TSPAN9: variants seen among roughly 807,000 people sequenced by gnomAD.
The protein encoded by TSPAN9 is tetraspanin-9.
A neutral mutation model predicts 31.0 loss-of-function variants in TSPAN9; 16 were observed. That is an observed-to-expected ratio of 0.52 (90% confidence interval 0.35 to 0.78). The LOEUF is 0.78. Ranked by LOEUF, TSPAN9 falls within the 30% of genes least tolerant of loss-of-function variation. TSPAN9 has a pLI of 0.01. For missense variants in TSPAN9, 272 were observed against 312.5 expected, an observed-to-expected ratio of 0.87 and a Z score of 0.98; for synonymous variants, 145 against 121.6, an observed-to-expected ratio of 1.19 and a Z score of -1.27.
chr12:3,197,712 C>A lies in TSPAN9; in HGVS notation c.-17-3465C>A, dbSNP rs370537184. 1.6e-4 allele frequency among the ~76,000 whole-genome samples: 21 copies of A among 131,230 alleles called. No homozygotes were observed. In the East Asian group the frequency reaches 2.1e-3, roughly 13 times the overall value. 86.1% of individuals were successfully genotyped at this position (131,230 alleles called of 152,430 possible). On this transcript the variant is annotated intron_variant, in intron 2 of 8. Coordinates refer to ENST00000011898, the MANE Select transcript of TSPAN9 (RefSeq NM_006675.5). ...GCACAGGTCACACCAGCACAGGTCA[C>A]CACCAGCACAGGTCACCACCAGCAC... is the stretch of plus-strand genomic sequence containing the variant.
intron 3 of TSPAN9, among the ~76,000 whole-genome samples, chr12:3,235,859 G>A (rs1220930948): frequency 6.6e-6 from 1 of 152,184 alleles, no homozygotes; most frequent in Non-Finnish European, 1.5e-5. Context: ...AGCTCTGGGG[G>A]CTTTGGCCTA....
At chr12:3,220,602 GGAATCC>G (rs2098383957) in intron 3 of TSPAN9, among the ~76,000 whole-genome samples, 1 of 152,250 alleles carries the variant, frequency 6.6e-6, no homozygotes, top group South Asian at 2.1e-4. Context: ...GGTCTGCAGA[GGAATCC>G]GATGTTGATA....
At chr12:3,260,292 G>A (rs1283732643) in intron 3 of TSPAN9, among the ~76,000 whole-genome samples, 1 of 152,264 alleles carries the variant, frequency 6.6e-6, no homozygotes, top group East Asian at 1.9e-4. Flanking sequence ...CCCGGACAAA[G>A]CTCATTAGCA....
chr12:3,131,633 C>T (rs1359134572), intron 2 of TSPAN9, among the ~76,000 whole-genome samples: 1 of 152,118 alleles, frequency 6.6e-6, no homozygotes, highest in Non-Finnish European at 1.5e-5. Flanking sequence ...GCTTGGCTTC[C>T]GGGAGGTTCC....
chr12:3,213,341 G>T (rs2098379733), intron 3 of TSPAN9, among the ~76,000 whole-genome samples: 1 of 152,206 alleles, frequency 6.6e-6, no homozygotes, highest in Non-Finnish European at 1.5e-5. Context: ...GCCCTCTCAA[G>T]GGGGGCTTCC....
At chr12:3,115,035 C>T (rs567897162) in intron 2 of TSPAN9, among the ~76,000 whole-genome samples, 8 of 152,114 alleles carry the variant, frequency 5.3e-5, no homozygotes, top group African/African-American at 1.9e-4. Context: ...TTATCACCCC[C>T]AAAAGAAACT....
In TSPAN9 at chr12:3,160,725, A is replaced by T. The variant is rs56133828; in HGVS notation, c.-17-40452A>T. 2.0e-3 allele frequency among the ~76,000 whole-genome samples: 306 copies of T among 152,282 alleles called. 1 individual carries two copies. Among genetic ancestry groups the T allele is most frequent in the Non-Finnish European group, 3.4e-3 (230 of 68,014 alleles). On this transcript the variant is annotated intron_variant, in intron 2 of 8. Coordinates refer to ENST00000011898, the MANE Select transcript of TSPAN9 (RefSeq NM_006675.5). ...TGAATGATGTTGAGCATCTGTTCTT[A>T]TACTTATTTGCCACTTGTGTATCTT...
chr12:3,171,122 ACG>A (rs2098351579), intron 2 of TSPAN9, among the ~76,000 whole-genome samples: 1 of 152,046 alleles, frequency 6.6e-6, no homozygotes, highest in Non-Finnish European at 1.5e-5. Context: ...CCCTGTCCCG[ACG>A]CGCGCCGAGA....
intron 1 of TSPAN9, among the ~76,000 whole-genome samples, chr12:3,081,603 G>A (rs927773914): frequency 1.3e-5 from 2 of 151,910 alleles, no homozygotes; most frequent in African/African-American, 4.8e-5. Context: ...TTTTGCTCCT[G>A]GCCTTTATAT....
intron 2 of TSPAN9, among the ~76,000 whole-genome samples, chr12:3,171,483 CCT>C (rs1468571017): frequency 6.6e-6 from 1 of 152,182 alleles, no homozygotes; most frequent in Non-Finnish European, 1.5e-5. Flanking sequence ...CCTGCTGTCC[CCT>C]CTCTCATTCA....
chr12:3,109,094 C>T (rs544613713), intron 2 of TSPAN9, among the ~76,000 whole-genome samples: 2 of 151,972 alleles, frequency 1.3e-5, no homozygotes, highest in African/African-American at 4.8e-5. Flanking sequence ...CGCCACCACG[C>T]CCGGCTAATT....
Position 3,081,073 on chromosome 12 carries a change from A to G in TSPAN9, c.-84-2580A>G, listed in dbSNP as rs141457253. On this transcript the variant is annotated intron_variant, in intron 1 of 8. Coordinates refer to ENST00000011898, the MANE Select transcript of TSPAN9 (RefSeq NM_006675.5). ...AGCTCCTTGCTTGCAAAATGAGGAT[A>G]ACAATACCAAGTACTCAGGGTGTTG... Among the ~76,000 whole-genome samples the G allele has an allele frequency of 1.1e-3, 170 of 152,308 alleles. 1 individual carries two copies. The highest frequency in any genetic ancestry group is 9.6e-3 in the Admixed American group (147 of 15,290).
At chr12:3,109,970 C>T (rs189524454) in intron 2 of TSPAN9, among the ~76,000 whole-genome samples, 42 of 152,164 alleles carry the variant, frequency 2.8e-4, no homozygotes, top group African/African-American at 9.9e-4. Flanking sequence ...CCCCAGAACC[C>T]CCAAAAGGCT....
chr12:3,237,725 C>T (rs575163648), intron 3 of TSPAN9, among the ~76,000 whole-genome samples: 1 of 152,294 alleles, frequency 6.6e-6, no homozygotes, highest in South Asian at 2.1e-4. Context: ...TCTCCCCCTC[C>T]CCAGGCACAG....
chr12:3,183,659 T>C (rs1258399449), intron 2 of TSPAN9, among the ~76,000 whole-genome samples: 1 of 151,842 alleles, frequency 6.6e-6, no homozygotes, highest in Non-Finnish European at 1.5e-5. Context: ...TAGGCCAGAG[T>C]GGGCCCCAGA....
At chr12:3,103,833 G>A (rs1007152497) in intron 2 of TSPAN9, among the ~76,000 whole-genome samples, 5 of 152,162 alleles carry the variant, frequency 3.3e-5, no homozygotes, top group African/African-American at 9.7e-5. Flanking sequence ...CACTGCTCCC[G>A]GCTCTGGGGC....
At chr12:3,171,866 C>T (rs2098352017) in intron 2 of TSPAN9, 2 of 152,166 alleles carry the variant, frequency 1.3e-5, no homozygotes, top group African/African-American at 2.4e-5. Flanking sequence ...CCGTGTGTCA[C>T]GTTCTCCCTG....
intron 3 of TSPAN9, among the ~76,000 whole-genome samples, chr12:3,261,922 C>T (rs982261247): frequency 6.6e-6 from 1 of 152,178 alleles, no homozygotes; most frequent in South Asian, 2.1e-4. Flanking sequence ...CTAAGCATCC[C>T]CATTTCAGGG....
At chr12:3,130,780 A>G (rs1241096482) in intron 2 of TSPAN9, among the ~76,000 whole-genome samples, 1 of 152,044 alleles carries the variant, frequency 6.6e-6, no homozygotes, top group Admixed American at 6.5e-5. Context: ...AATGTGAGTT[A>G]CTTCTATTTT....
Sources: gnomAD v4.1 joint callset for allele counts (sites outside exome capture counted in the v4.1 genomes callset) on GRCh38, gnomAD v4.1.1 for gene constraint, MANE v1.5 for transcripts, NCBI Gene and HGNC (gene_info 2026-07-23, HGNC 2026-07-21) for gene names.